The following ARHGEF6 variants were observed in gnomAD, a reference collection of about 807,000 sequenced individuals.
ARHGEF6 encodes the protein rho guanine nucleotide exchange factor 6.
A neutral mutation model predicts 70.3 loss-of-function variants in ARHGEF6; 9 were observed. The ratio of observed to expected loss-of-function variants is 0.13; its 90% CI spans 0.08 to 0.22. ARHGEF6 has a LOEUF of 0.22. Among genes scored for constraint, ARHGEF6 ranks in the 10% least tolerant of loss-of-function variants. The pLI, the probability that ARHGEF6 is intolerant of heterozygous loss-of-function variation, is 1.00. For missense variants in ARHGEF6, 470 were observed against 563.0 expected (o/e 0.83, Z 1.67); for synonymous variants, 201 against 207.8 (o/e 0.97, Z 0.28).
chrX:136,734,400 T>C (rs906999792), intron 5 of ARHGEF6, among the ~76,000 whole-genome samples: 1 of 111,977 alleles, frequency 8.9e-6, no homozygotes, highest in African/African-American at 3.2e-5. Context: ...TTGACACTTA[T>C]GTGTGAAATG....
At chrX:136,753,926 T>C (rs1260524084) in intron 2 of ARHGEF6, among the ~76,000 whole-genome samples, 2 of 112,365 alleles carry the variant, frequency 1.8e-5, no homozygotes, top group Non-Finnish European at 3.8e-5. Flanking sequence ...CTATGTTTTC[T>C]TTTTGGCTCT....
At chrX:136,680,710 C>T in intron 15 of ARHGEF6, 21 bp downstream of exon 15, 1 of 1,210,280 alleles carries the variant, frequency 8.3e-7, no homozygotes, top group East Asian at 3.0e-5. Flanking sequence ...AATCTCTGGA[C>T]AGAACACATG....
intron 12 of ARHGEF6, 103 bp from the exon 13 acceptor site, chrX:136,682,947 C>T: frequency 1.6e-6 from 1 of 632,948 alleles, no homozygotes; most frequent in Non-Finnish European, 2.5e-6. Flanking sequence ...ATATAAACAA[C>T]TGAAACATTA....
At chrX:136,754,793 G>A (rs7057155) in intron 2 of ARHGEF6, among the ~76,000 whole-genome samples, 1,759 of 111,039 alleles carry the variant, frequency 0.016, 30 homozygotes, top group African/African-American at 0.053. Flanking sequence ...GTGGCTTGGC[G>A]GGCTCCCACC....
intron 2 of ARHGEF6, among the ~76,000 whole-genome samples, chrX:136,776,125 C>G (rs1001705459): frequency 3.6e-5 from 4 of 111,580 alleles, no homozygotes; most frequent in African/African-American, 1.3e-4. Context: ...TAAAAACAAT[C>G]TACAAATTCA....
At chrX:136,691,865 C>G (rs1569396275) in intron 9 of ARHGEF6, among the ~76,000 whole-genome samples, 1 of 111,849 alleles carries the variant, frequency 8.9e-6, no homozygotes, top group South Asian at 3.8e-4. Flanking sequence ...TAAACTCCTA[C>G]TGGCTCCACC....
At chrX:136,679,487 C>T (rs764773285) in intron 16 of ARHGEF6, 48 bp downstream of exon 16, 11 of 1,187,138 alleles carry the variant, frequency 9.3e-6, no homozygotes, top group African/African-American at 5.3e-5. Context: ...TAATAAGCTA[C>T]GAAATTAACT....
chrX:136,685,226 G>A (rs764323028), intron 12 of ARHGEF6, among the ~76,000 whole-genome samples: 58 of 111,448 alleles, frequency 5.2e-4, no homozygotes, highest in African/African-American at 1.7e-3. Context: ...TCCTGTCTCC[G>A]TAAGGTCTTC....
intron 9 of ARHGEF6, among the ~76,000 whole-genome samples, chrX:136,701,801 G>A (rs1286083805): frequency 1.2e-4 from 12 of 99,525 alleles, no homozygotes; most frequent in South Asian, 5.0e-4. Flanking sequence ...TCCGCCTCCC[G>A]GGTTCACGCC....
At chrX:136,733,893 T>C (rs994925782) in intron 5 of ARHGEF6, among the ~76,000 whole-genome samples, 2 of 112,013 alleles carry the variant, frequency 1.8e-5, no homozygotes, top group African/African-American at 6.5e-5. Context: ...GTCAATGGCA[T>C]GGGCAGGGGT....
chrX:136,729,144 C>T (rs772814828), intron 6 of ARHGEF6, among the ~76,000 whole-genome samples: 8 of 101,368 alleles, frequency 7.9e-5, no homozygotes, highest in African/African-American at 2.5e-4. Flanking sequence ...GAGCCCTGGG[C>T]TGGCAAAGAC....
intron 19 of ARHGEF6, 63 bp downstream of exon 19, chrX:136,674,944 A>G: frequency 9.2e-7 from 1 of 1,083,239 alleles, no homozygotes; most frequent in African/African-American, 1.8e-5. Context: ...TCTTTTTCTA[A>G]AAGACACTAA....
At chrX:136,727,571 T>C (rs1437372810) in intron 6 of ARHGEF6, among the ~76,000 whole-genome samples, 1 of 103,827 alleles carries the variant, frequency 9.6e-6, no homozygotes, top group Non-Finnish European at 2.0e-5. Context: ...TCTCACTTTG[T>C]CACCCAGGCT....
At chrX:136,732,062 T>C in intron 6 of ARHGEF6, 40 bp downstream of exon 6, 1 of 1,079,881 alleles carries the variant, frequency 9.3e-7, no homozygotes, top group Non-Finnish European at 1.3e-6. Context: ...AAGTTCCATA[T>C]AGAGTCAAGA....
intron 6 of ARHGEF6, among the ~76,000 whole-genome samples, chrX:136,718,300 T>C (rs1384060245): frequency 1.8e-5 from 2 of 111,211 alleles, no homozygotes; most frequent in African/African-American, 6.5e-5. Context: ...AAGAGGTCAG[T>C]TCTCCAACAA....
At chrX:136,702,258 G>A (rs5975778) in intron 9 of ARHGEF6, among the ~76,000 whole-genome samples, 4,432 of 111,311 alleles carry the variant, frequency 0.04, 243 homozygotes, top group African/African-American at 0.14. Context: ...ATTTTTTAAA[G>A]GGAGTATTAT....
chrX:136,722,452 T>C (rs1346014174), intron 6 of ARHGEF6, among the ~76,000 whole-genome samples: 3 of 112,018 alleles, frequency 2.7e-5, no homozygotes, highest in East Asian at 2.8e-4. Context: ...ACAATATATA[T>C]AGAACTATTA....
chrX:136,672,706 G>C (rs1378731187), intron 19 of ARHGEF6, among the ~76,000 whole-genome samples: 1 of 112,398 alleles, frequency 8.9e-6, no homozygotes, highest in Non-Finnish European at 1.9e-5. Context: ...CAAAGATGTA[G>C]GTGTCCTCTG....
chrX:136,741,822 G>T (rs2077045601), intron 5 of ARHGEF6, among the ~76,000 whole-genome samples: 1 of 111,828 alleles, frequency 8.9e-6, no homozygotes, highest in Non-Finnish European at 1.9e-5. Flanking sequence ...TGATGAAATT[G>T]ATGGAATGCT....
Sources: allele counts gnomAD v4.1 joint callset (sites outside exome capture counted in the v4.1 genomes callset), GRCh38; gene constraint gnomAD v4.1.1; transcripts MANE v1.5; gene names NCBI Gene and HGNC (gene_info 2026-07-23, HGNC 2026-07-21).